Variants in SSU72 observed in about 807,000 individuals in gnomAD.
The protein encoded by SSU72 is RNA polymerase II subunit A C-terminal domain phosphatase SSU72.
A neutral mutation model predicts 22.7 loss-of-function variants in SSU72; 12 were observed. The observed-to-expected ratio is 0.53, with a 90% CI of 0.34 to 0.86. The LOEUF (loss-of-function observed/expected upper bound fraction) is 0.86, where lower values mean the gene tolerates loss of function less well. SSU72 is among the 40% of genes least tolerant of loss of function. The probability of loss-of-function intolerance (pLI) is 0.02; values close to 1 mark genes in which losing one functional copy is unlikely to be tolerated. For missense variants in SSU72, 151 were observed against 249.8 expected (o/e 0.60, Z 2.67); for synonymous variants, 116 against 98.3 (o/e 1.18, Z -1.06).
At chr1:1,550,576 A>AGCCCCGG (rs1378959429) in intron 2 of SSU72, among the ~76,000 whole-genome samples, 4 of 152,138 alleles carry the variant, frequency 2.6e-5, no homozygotes. Context: ...CGGGGCCTTG[A>AGCCCCGG]GCCCCGGGCC....
rs376265266 is a variant in SSU72, at chr1:1,542,081, G to A, written c.570C>T (p.Thr190=). 4.4e-6 allele frequency: 7 copies of A among 1,584,716 alleles called. No homozygotes were observed. The highest frequency in any genetic ancestry group is 1.8e-5 in the Admixed American group (1 of 55,274). Reference sequence around the variant, plus strand: ...GGCGCTGGGCTCAGTAGAAGCAGACGGTGTGCAGAAAGGTGCGGCCACTCT... The same window carrying A: ...GGCGCTGGGCTCAGTAGAAGCAGACAGTGTGCAGAAAGGTGCGGCCACTCT... ...EEKSGRTFLH[T]VCFY The change falls in exon 5 of 5, where the codon ACC becomes ACT. Residue 190 remains threonine (T), a synonymous_variant. Transcript: ENST00000291386. This position sits in a 1 kb window ranked among gnomAD's most constrained non-coding sequence, Gnocchi z 4.4.
chr1:1,551,111 C>T (rs989588039), intron 2 of SSU72, among the ~76,000 whole-genome samples: 33 of 152,308 alleles, frequency 2.2e-4, no homozygotes, highest in Middle Eastern at 3.4e-3. Context: ...AATGTCCACA[C>T]CCCAGGCAAA....
chr1:1,562,342 G>A (rs1236655837), intron 2 of SSU72: 21 of 152,266 alleles, frequency 1.4e-4, no homozygotes, highest in Admixed American at 1.4e-3. Flanking sequence ...CAGGATGTCA[G>A]GCTAAGCTTC....
Position 1,544,701 on chromosome 1 carries a change from A to C in SSU72, c.364+162T>G, listed in dbSNP as rs1302554691. The stretch of plus-strand genomic sequence containing the variant: ...CAGCCAGCACATGGGTGGTTCAGCG[A>C]CCAGCGGCCCTGCCTGCCTTCCAGG... On this transcript the variant is annotated intron_variant, in intron 3 of 4. Transcript: ENST00000291386. 44 of 922,140 alleles carry C rather than the reference A, an allele frequency of 4.8e-5. No homozygotes were observed. In the Admixed American group the frequency reaches 8.5e-4, roughly 18 times the overall value. The allele number at this position is 922,140 out of a possible 1,614,324, so 57.1% of individuals were successfully genotyped here.
chr1:1,547,077 G>A (rs1259558969), intron 2 of SSU72, among the ~76,000 whole-genome samples: 2 of 152,098 alleles, frequency 1.3e-5, no homozygotes, highest in East Asian at 3.9e-4. Context: ...ACCTTGTTGT[G>A]TGCAGCCACA....
intron 2 of SSU72, among the ~76,000 whole-genome samples, chr1:1,560,192 T>C (rs554377949): frequency 6.6e-6 from 1 of 152,116 alleles, no homozygotes; most frequent in African/African-American, 2.4e-5. Flanking sequence ...AAAATGTGGA[T>C]GAAACTTTTT....
At chr1:1,570,077 T>C (rs1287015056) in intron 1 of SSU72, among the ~76,000 whole-genome samples, 1 of 152,080 alleles carries the variant, frequency 6.6e-6, no homozygotes, top group Non-Finnish European at 1.5e-5. Flanking sequence ...TTCTGAGTAT[T>C]AAAACTCTCT....
In SSU72 at chr1:1,569,000, C is replaced by T. The variant is rs371084291; in HGVS notation, c.81-4084G>A. Among the ~76,000 whole-genome samples the T allele has an allele frequency of 5.9e-5, 9 of 152,182 alleles. No homozygotes were observed. The East Asian group carries it at 1.4e-3, about 23-fold the overall frequency. On this transcript the variant is annotated intron_variant, in intron 1 of 4. Coordinates refer to ENST00000291386, the MANE Select transcript of SSU72 (RefSeq NM_014188.3). ...CAGCCTGGCCAACATGGTGAAACCCCGTCTCTACTAAAAATACAAAAAAAT... is the reference window on the plus strand; with the variant it reads ...CAGCCTGGCCAACATGGTGAAACCCTGTCTCTACTAAAAATACAAAAAAAT...
In SSU72 at chr1:1,554,335, G is replaced by A. The variant is rs1018175458; in HGVS notation, c.225-9333C>T. Among the ~76,000 whole-genome samples, 3 of 151,920 alleles carry A rather than the reference G, an allele frequency of 2.0e-5. No individual in the cohort carries two copies. Among genetic ancestry groups the A allele is most frequent in the Admixed American group, 6.5e-5 (1 of 15,268 alleles). On this transcript the variant is annotated intron_variant, in intron 2 of 4. Coordinates refer to ENST00000291386, the MANE Select transcript of SSU72 (RefSeq NM_014188.3). This position sits in a 1 kb window ranked among gnomAD's most constrained non-coding sequence, Gnocchi z 4.1. ...GTCCCCACGAAGCTGAGCATGAGGC[G>A]GATCCGGACCACTCGGGGGTCCCCA...
At chr1:1,567,011 C>A (rs1004804175) in intron 1 of SSU72, among the ~76,000 whole-genome samples, 6 of 152,202 alleles carry the variant, frequency 3.9e-5, no homozygotes, top group African/African-American at 1.4e-4. Flanking sequence ...CTCACAGACA[C>A]TGGCTTCTAG....
rs1642488268 is a variant in SSU72 at position 1,554,123 on chromosome 1, T to G, written c.225-9121A>C. Among the ~76,000 whole-genome samples the G allele has an allele frequency of 6.6e-6, 1 of 152,030 alleles. No individual in the cohort carries two copies. Among genetic ancestry groups the G allele is most frequent in the African/African-American group, 2.4e-5 (1 of 41,382 alleles). ...TCCAGGGAGTGGAGCGGTTGTGAGA[T>G]TCACCATCAGCAAAAAGTGAAGCTG... On this transcript the variant is annotated intron_variant, in intron 2 of 4. Coordinates refer to ENST00000291386, the MANE Select transcript of SSU72 (RefSeq NM_014188.3). This position sits in a 1 kb window ranked among gnomAD's most constrained non-coding sequence, Gnocchi z 4.1.
intron 4 of SSU72, 35 bp downstream of exon 4, chr1:1,543,834 C>T (rs769853219): frequency 5.1e-6 from 8 of 1,557,462 alleles, no homozygotes; most frequent in Admixed American, 1.7e-5. Context: ...TCTGTCACAA[C>T]CTCTGCCCAG....
chr1:1,554,984 G>A lies in SSU72; in HGVS notation c.224+9789C>T, dbSNP rs575507095. On this transcript the variant is annotated intron_variant, in intron 2 of 4. Transcript: ENST00000291386. The surrounding 1 kb of genome is among the most constrained non-coding windows in gnomAD (Gnocchi z 4.1). ...GGAAGCCTTGGTCCTTCCCCGGAAG[G>A]CCACACCATCTTCCCTGCACGTATG... Among the ~76,000 whole-genome samples, 1 of 152,172 alleles carries A rather than the reference G, an allele frequency of 6.6e-6. No individual in the cohort carries two copies. The highest frequency in any genetic ancestry group is 1.5e-5 in the Non-Finnish European group (1 of 68,022).
chr1:1,569,939 T>C lies in SSU72; in HGVS notation c.80+4539A>G, dbSNP rs991633776. On this transcript the variant is annotated intron_variant, in intron 1 of 4. Transcript: ENST00000291386. ...AGCCCTACCCAACTGCATACAATTTTCCTGCTTTTTTCACTTACCATAAGC... is the reference window on the plus strand; with the variant it reads ...AGCCCTACCCAACTGCATACAATTTCCCTGCTTTTTTCACTTACCATAAGC... Among the ~76,000 whole-genome samples the C allele has an allele frequency of 3.3e-5, 5 of 152,164 alleles. No individual in the cohort carries two copies. In the East Asian group the frequency reaches 9.6e-4, roughly 29 times the overall value.
chr1:1,542,989 CCAT>C lies in SSU72; in HGVS notation c.484-825_484-823del, dbSNP rs1642343114. ...CTGGCTCCCGGGCTTTCCAAACACACCATCTTCTTTCTTGGTGAAGCTGTTCTG... is the reference window on the plus strand; with the variant it reads ...CTGGCTCCCGGGCTTTCCAAACACACCTTCTTTCTTGGTGAAGCTGTTCTG... On this transcript the variant is annotated intron_variant, in intron 4 of 4. Transcript: ENST00000291386. This position sits in a 1 kb window ranked among gnomAD's most constrained non-coding sequence, Gnocchi z 4.4. 1.3e-5 allele frequency among the ~76,000 whole-genome samples: 2 copies of C among 152,356 alleles called. No individual in the cohort carries two copies. Among genetic ancestry groups the C allele is most frequent in the South Asian group, 2.1e-4 (1 of 4,828 alleles).
At chr1:1,571,117 T>C (rs1012527956) in intron 1 of SSU72, among the ~76,000 whole-genome samples, 17 of 151,644 alleles carry the variant, frequency 1.1e-4, no homozygotes, top group African/African-American at 3.9e-4. Flanking sequence ...TGGTAGCGGG[T>C]GCCTGTAGTC....
intron 2 of SSU72, 134 bp downstream of exon 2, chr1:1,564,638 AC>A: frequency 1.2e-6 from 2 of 1,613,936 alleles, no homozygotes; most frequent in Non-Finnish European, 1.7e-6. Context: ...AGGAATAGAA[AC>A]CAAGCTCTCG....
intron 1 of SSU72, among the ~76,000 whole-genome samples, chr1:1,572,819 C>T (rs1483819568): frequency 7.1e-6 from 1 of 141,806 alleles, no homozygotes; most frequent in Non-Finnish European, 1.5e-5. Flanking sequence ...CAAGGAGAAC[C>T]AGCAGAACCA....
chr1:1,549,855 TC>T (rs1027881074), intron 2 of SSU72, among the ~76,000 whole-genome samples: 1 of 151,374 alleles, frequency 6.6e-6, no homozygotes, highest in African/African-American at 2.4e-5. Context: ...GTGCCTGTAA[TC>T]CCACTGCTCA....
Sources: allele counts gnomAD v4.1 joint callset (sites outside exome capture counted in the v4.1 genomes callset), GRCh38; gene constraint gnomAD v4.1.1; non-coding constraint Gnocchi (gnomAD v3.1); transcripts MANE v1.5; gene names NCBI Gene and HGNC (gene_info 2026-07-23, HGNC 2026-07-21).